SLC25A48: variants seen among roughly 807,000 people sequenced by gnomAD.
The protein encoded by SLC25A48 is CTC-321K16.1.
SLC25A48 carries 29 observed loss-of-function variants against 32.2 expected under a neutral mutation model. That is an observed-to-expected ratio of 0.90 (90% confidence interval 0.67 to 1.23). The LOEUF is 1.23. SLC25A48 is among the 50% of genes most tolerant of loss of function. The pLI is 0.00. For synonymous variants in SLC25A48, 164 were observed against 172.3 expected, an observed-to-expected ratio of 0.95 and a Z score of 0.38; for missense variants, 399 against 422.7, an observed-to-expected ratio of 0.94 and a Z score of 0.49.
intron 3 of SLC25A48, among the ~76,000 whole-genome samples, chr5:135,800,126 A>G (rs540513779): frequency 1.3e-5 from 2 of 151,804 alleles, no homozygotes; most frequent in East Asian, 3.9e-4. Context: ...ATTACTCCCA[A>G]TATCCCAGGG....
chr5:135,851,853 C>A (rs1345206926), intron 3 of SLC25A48, among the ~76,000 whole-genome samples: 2 of 152,140 alleles, frequency 1.3e-5, no homozygotes, highest in Non-Finnish European at 2.9e-5. Context: ...CCGAACCCGG[C>A]CTGCAGCACC....
At chr5:135,861,177 G>T (rs1382981349) in intron 4 of SLC25A48, among the ~76,000 whole-genome samples, 1 of 152,174 alleles carries the variant, frequency 6.6e-6, no homozygotes, top group East Asian at 1.9e-4. Context: ...CATGCTATAT[G>T]GACAATTTCA....
chr5:135,614,502 A>G (rs1752143444), intron 1 of SLC25A48, among the ~76,000 whole-genome samples: 1 of 152,206 alleles, frequency 6.6e-6, no homozygotes, highest in Non-Finnish European at 1.5e-5. Context: ...CCAATTCAGT[A>G]TGCTCTTAGC....
At chr5:135,797,812 G>A (rs1405772941) in intron 3 of SLC25A48, among the ~76,000 whole-genome samples, 11 of 151,860 alleles carry the variant, frequency 7.2e-5, no homozygotes, top group African/African-American at 2.7e-4. Flanking sequence ...CTGTGATATT[G>A]TTTCTAAAAT....
intron 3 of SLC25A48, among the ~76,000 whole-genome samples, chr5:135,666,631 T>G (rs371332800): frequency 2.6e-4 from 40 of 151,932 alleles, no homozygotes; most frequent in African/African-American, 8.5e-4. Flanking sequence ...CTTTGATTTC[T>G]AATAGAAGCC....
At chr5:135,692,555 A>G (rs1754171953) in intron 3 of SLC25A48, among the ~76,000 whole-genome samples, 1 of 152,210 alleles carries the variant, frequency 6.6e-6, no homozygotes, top group Non-Finnish European at 1.5e-5. Context: ...TTAGTGTTCA[A>G]GAATTTGATC....
intron 7 of SLC25A48, among the ~76,000 whole-genome samples, chr5:135,884,914 C>CTT (rs1762662943): frequency 6.6e-6 from 1 of 152,066 alleles, no homozygotes; most frequent in South Asian, 2.1e-4. Context: ...CATGGCACCT[C>CTT]TTGATGGTAG....
chr5:135,809,001 T>C (rs1337678052), intron 3 of SLC25A48, among the ~76,000 whole-genome samples: 1 of 152,136 alleles, frequency 6.6e-6, no homozygotes, highest in Non-Finnish European at 1.5e-5. Context: ...AGTTTCTTGG[T>C]ATAATTAAAA....
chr5:135,860,696 G>C (rs567461324), intron 4 of SLC25A48, among the ~76,000 whole-genome samples: 1 of 152,184 alleles, frequency 6.6e-6, no homozygotes, highest in Non-Finnish European at 1.5e-5. Context: ...TCTGCGCCCT[G>C]GGTCAGTCCC....
intron 3 of SLC25A48, among the ~76,000 whole-genome samples, chr5:135,810,707 G>A (rs2126650841): frequency 6.6e-6 from 1 of 152,268 alleles, no homozygotes; most frequent in Non-Finnish European, 1.5e-5. Context: ...CTGTGTGCCA[G>A]GGGCCTCTTG....
intron 3 of SLC25A48, among the ~76,000 whole-genome samples, chr5:135,642,838 G>A (rs937079256): frequency 6.6e-6 from 1 of 152,212 alleles, no homozygotes; most frequent in Non-Finnish European, 1.5e-5. Flanking sequence ...TGACTCAAAT[G>A]TGGCTCCTGA....
intron 3 of SLC25A48, among the ~76,000 whole-genome samples, chr5:135,739,805 A>G (rs1326718012): frequency 6.6e-6 from 1 of 152,062 alleles, no homozygotes; most frequent in African/African-American, 2.4e-5. Flanking sequence ...CTACCACTGC[A>G]TAAAGAAAAA....
intron 3 of SLC25A48, among the ~76,000 whole-genome samples, chr5:135,645,045 G>C (rs1038854458): frequency 6.6e-6 from 1 of 152,234 alleles, no homozygotes; most frequent in Non-Finnish European, 1.5e-5. Context: ...ACAGCCAAAG[G>C]CTCCACAAGG....
chr5:135,816,603 G>T (rs969710505), intron 4 of SLC25A48, among the ~76,000 whole-genome samples: 1 of 152,142 alleles, frequency 6.6e-6, no homozygotes, highest in Non-Finnish European at 1.5e-5. Flanking sequence ...AGAATGACTA[G>T]TGTAGTTTCT....
At chr5:135,737,528 C>A (rs1412012161) in intron 3 of SLC25A48, among the ~76,000 whole-genome samples, 1 of 152,078 alleles carries the variant, frequency 6.6e-6, no homozygotes, top group Non-Finnish European at 1.5e-5. Context: ...CCTGACCAAG[C>A]CCTATTTTCC....
At chr5:135,801,282 T>C (rs1184370172) in intron 3 of SLC25A48, among the ~76,000 whole-genome samples, 5 of 150,936 alleles carry the variant, frequency 3.3e-5, no homozygotes, top group Admixed American at 3.3e-4. Context: ...TAGGGAATGA[T>C]ATTACTTCCA....
intron 1 of SLC25A48, among the ~76,000 whole-genome samples, chr5:135,595,304 A>T (rs1047406817): frequency 6.6e-6 from 1 of 152,168 alleles, no homozygotes; most frequent in Non-Finnish European, 1.5e-5. Flanking sequence ...TTCCCACTGT[A>T]TGTCCCTGGA....
At chr5:135,683,111 C>T (rs913631415) in intron 3 of SLC25A48, among the ~76,000 whole-genome samples, 7 of 152,098 alleles carry the variant, frequency 4.6e-5, no homozygotes, top group Admixed American at 1.3e-4. Flanking sequence ...CCATTTGTGG[C>T]GTCAATCTCA....
intron 4 of SLC25A48, 143 bp downstream of exon 4, chr5:135,852,964 C>A: frequency 8.6e-7 from 1 of 1,156,142 alleles, no homozygotes; most frequent in Non-Finnish European, 1.2e-6. Flanking sequence ...TACAGGCATA[C>A]CTCGGAGACA....
Sources: gnomAD v4.1 joint callset for allele counts (sites outside exome capture counted in the v4.1 genomes callset) on GRCh38, gnomAD v4.1.1 for gene constraint, MANE v1.5 for transcripts, NCBI Gene and HGNC (gene_info 2026-07-23, HGNC 2026-07-21) for gene names.